Variants in GNA12 observed in about 807,000 individuals in gnomAD.
GNA12 encodes the protein guanine nucleotide-binding protein subunit alpha-12.
In GNA12, 9 loss-of-function variants were observed where a neutral mutation model predicts 26.0. The observed-to-expected ratio is 0.35, with a 90% CI of 0.21 to 0.60. The LOEUF is 0.60. Ranked by LOEUF, GNA12 falls within the 20% of genes least tolerant of loss-of-function variation. The pLI, the probability that GNA12 is intolerant of heterozygous loss-of-function variation, is 0.78. For synonymous variants in GNA12, 264 were observed against 219.6 expected (o/e 1.20, Z -1.79); for missense variants, 405 against 525.8 (o/e 0.77, Z 2.25).
chr7:2,816,775 A>C (rs576901336), intron 1 of GNA12, among the ~76,000 whole-genome samples: 1 of 152,328 alleles, frequency 6.6e-6, no homozygotes, highest in East Asian at 1.9e-4. Flanking sequence ...AGCACACATT[A>C]ACTCATTCAA....
chr7:2,829,288 T>C (rs1216062138), intron 1 of GNA12, among the ~76,000 whole-genome samples: 1 of 152,162 alleles, frequency 6.6e-6, no homozygotes, highest in Admixed American at 6.5e-5. Flanking sequence ...CATATTTCCC[T>C]CTGTCGGAGA....
At chr7:2,769,284 T>C (rs1583265208) in intron 2 of GNA12, among the ~76,000 whole-genome samples, 1 of 152,130 alleles carries the variant, frequency 6.6e-6, no homozygotes, top group African/African-American at 2.4e-5. Flanking sequence ...CACTGGCAGG[T>C]ATTTACGTAG....
At chr7:2,804,356 T>C (rs1206317984) in intron 1 of GNA12, among the ~76,000 whole-genome samples, 1 of 152,212 alleles carries the variant, frequency 6.6e-6, no homozygotes. Flanking sequence ...CAGCTATATA[T>C]AGACGGGTGT....
chr7:2,790,313 G>T (rs565040293), intron 2 of GNA12, among the ~76,000 whole-genome samples: 2 of 152,132 alleles, frequency 1.3e-5, no homozygotes, highest in African/African-American at 4.8e-5. Flanking sequence ...GTGCAGTGGC[G>T]CGATCTCAGC....
intron 1 of GNA12, among the ~76,000 whole-genome samples, chr7:2,813,516 C>T (rs1793136073): frequency 6.6e-6 from 1 of 152,092 alleles, no homozygotes; most frequent in South Asian, 2.1e-4. Context: ...GAAGCCACCA[C>T]AATATCTGCT....
intron 2 of GNA12, among the ~76,000 whole-genome samples, chr7:2,768,655 T>C (rs1262649588): frequency 2.7e-5 from 4 of 145,744 alleles, no homozygotes; most frequent in African/African-American, 5.1e-5. Flanking sequence ...CAGGTGAATA[T>C]GCTCTCAAGG....
At chr7:2,773,961 G>C (rs899002324) in intron 2 of GNA12, among the ~76,000 whole-genome samples, 1 of 152,220 alleles carries the variant, frequency 6.6e-6, no homozygotes, top group African/African-American at 2.4e-5. Flanking sequence ...CGCAGAATTG[G>C]AAGAACCGCA....
chr7:2,780,223 A>G (rs142670937), intron 2 of GNA12, among the ~76,000 whole-genome samples: 156 of 151,738 alleles, frequency 1.0e-3, no homozygotes, highest in African/African-American at 3.6e-3. Flanking sequence ...TAACCGCTGG[A>G]CAATATTCTA....
intron 2 of GNA12, among the ~76,000 whole-genome samples, chr7:2,773,121 G>A (rs1418517967): frequency 2.6e-5 from 4 of 152,226 alleles, no homozygotes; most frequent in African/African-American, 9.7e-5. Flanking sequence ...TGGTATCAAT[G>A]GGGAAGCAGC....
intron 1 of GNA12, among the ~76,000 whole-genome samples, chr7:2,831,404 C>CTTT (rs3996402): frequency 1.0e-4 from 13 of 130,078 alleles, no homozygotes; most frequent in Admixed American, 2.5e-4. Context: ...ACTTCACTTT[C>CTTT]TTTTTTTTTT....
At chr7:2,781,639 T>A (rs2115436589) in intron 2 of GNA12, among the ~76,000 whole-genome samples, 1 of 152,252 alleles carries the variant, frequency 6.6e-6, no homozygotes, top group East Asian at 1.9e-4. Flanking sequence ...TCTAAAGACA[T>A]GTAGCTGTCT....
At chr7:2,794,599 T>G (rs1465697180) in intron 2 of GNA12, 2 of 303,070 alleles carry the variant, frequency 6.6e-6, no homozygotes, top group South Asian at 3.7e-5. Context: ...GAAGCTGTTG[T>G]GGGGGGTGTT....
intron 1 of GNA12, chr7:2,815,005 T>G: frequency 6.5e-7 from 1 of 1,535,864 alleles, no homozygotes; most frequent in South Asian, 1.2e-5. Context: ...CCAGGTCTAA[T>G]CTCGCCCCTT....
chr7:2,842,628 G>A (rs1713921), intron 1 of GNA12, among the ~76,000 whole-genome samples: 59,337 of 152,032 alleles, frequency 0.39, 11,751 homozygotes, highest in Admixed American at 0.45. Flanking sequence ...CAAATATGGC[G>A]AAGAGAAAAA....
chr7:2,779,097 G>A (rs1343816578), intron 2 of GNA12, among the ~76,000 whole-genome samples: 1 of 152,182 alleles, frequency 6.6e-6, no homozygotes, highest in African/African-American at 2.4e-5. Flanking sequence ...GGTGGCTCCT[G>A]CCTGTAATAC....
chr7:2,792,018 G>A (rs1792533329), intron 2 of GNA12, among the ~76,000 whole-genome samples: 1 of 152,098 alleles, frequency 6.6e-6, no homozygotes, highest in Non-Finnish European at 1.5e-5. Flanking sequence ...TATATTTTCT[G>A]TATCTTCACA....
chr7:2,731,504 T>G lies in GNA12; in HGVS notation c.823A>C (p.Asn275His), dbSNP rs1562390324. The G allele has an allele frequency of 1.2e-6, 2 of 1,613,514 alleles. No homozygotes were observed. The highest frequency in any genetic ancestry group is 1.7e-6 in the Non-Finnish European group (2 of 1,179,648). The change falls in exon 4 of 4, where the codon AAC becomes CAC. Residue 275 changes from asparagine to histidine, a missense_variant. Asn to His is a moderately conservative substitution (Grantham distance 68, BLOSUM62 1). Transcript: ENST00000275364. The surrounding 1 kb of genome is among the most constrained non-coding windows in gnomAD (Gnocchi z 6.0). Reference sequence around the variant, plus strand: ...TTGTTGACGATGGTCTCGAAGATGTTCATGGACTCCACCAGCCGGTTGGTG... The same window carrying G: ...TTGTTGACGATGGTCTCGAAGATGTGCATGGACTCCACCAGCCGGTTGGTG... ...RRTNRLVESM[N>H]IFETIVNNKL...
intron 1 of GNA12, among the ~76,000 whole-genome samples, chr7:2,810,294 C>G (rs1424963951): frequency 6.6e-6 from 1 of 152,122 alleles, no homozygotes; most frequent in East Asian, 1.9e-4. Flanking sequence ...GGTATACAAG[C>G]TCATTAAGGT....
intron 1 of GNA12, among the ~76,000 whole-genome samples, chr7:2,801,973 A>G (rs1792819898): frequency 2.0e-5 from 3 of 152,206 alleles, no homozygotes; most frequent in South Asian, 4.1e-4. Context: ...TAGAATTGCT[A>G]AAGTCTTAAA....
Sources: allele counts gnomAD v4.1 joint callset (sites outside exome capture counted in the v4.1 genomes callset), GRCh38; gene constraint gnomAD v4.1.1; non-coding constraint Gnocchi (gnomAD v3.1); transcripts MANE v1.5; gene names NCBI Gene and HGNC (gene_info 2026-07-23, HGNC 2026-07-21).